SLC38A1: variants seen among roughly 807,000 people sequenced by gnomAD.
SLC38A1 encodes the protein solute carrier family 38 member 1, also known as sodium-coupled neutral amino acid symporter 1.
SLC38A1 carries 18 observed loss-of-function variants against 60.3 expected under a neutral mutation model. That is an observed-to-expected ratio of 0.30 (90% CI 0.21 to 0.44). SLC38A1 has a LOEUF of 0.44. SLC38A1 is among the 20% of genes least tolerant of loss of function. The pLI is 1.00. For synonymous variants in SLC38A1, 196 were observed against 212.1 expected (o/e 0.92, Z 0.66); for missense variants, 448 against 587.2 (o/e 0.76, Z 2.45).
At chr12:46,234,742 A>T (rs1050073518) in intron 3 of SLC38A1, among the ~76,000 whole-genome samples, 8 of 152,206 alleles carry the variant, frequency 5.3e-5, no homozygotes, top group African/African-American at 1.9e-4. Flanking sequence ...CATTTAAAAA[A>T]TACATAAAAC....
intron 3 of SLC38A1, among the ~76,000 whole-genome samples, chr12:46,230,360 G>A (rs1341503691): frequency 1.3e-5 from 2 of 152,206 alleles, no homozygotes; most frequent in Non-Finnish European, 2.9e-5. Context: ...GGTCGATGGT[G>A]AGGGTCAGAG....
At chr12:46,195,127 A>G (rs537743242) in intron 16 of SLC38A1, among the ~76,000 whole-genome samples, 115 of 152,010 alleles carry the variant, frequency 7.6e-4, no homozygotes, top group African/African-American at 2.7e-3. Flanking sequence ...TTTGGTGTGG[A>G]TGTCCTTTTT....
chr12:46,246,880 T>C (rs2138514503), intron 1 of SLC38A1, among the ~76,000 whole-genome samples: 1 of 152,316 alleles, frequency 6.6e-6, no homozygotes. Context: ...TGGTGATACC[T>C]GGGCAAACAG....
Position 46,198,763 on chromosome 12 carries a change from A to G in SLC38A1, c.1004-20T>C. ...CGTTGTCTAAAATGAGGGAAAAGCAAGAGGGTTTTAAAAGGAGACAAAGTA... is the reference window on the plus strand; with the variant it reads ...CGTTGTCTAAAATGAGGGAAAAGCAGGAGGGTTTTAAAAGGAGACAAAGTA... On this transcript the variant is annotated intron_variant, in intron 13 of 16. Transcript: ENST00000398637. 6.6e-7 allele frequency: 1 copy of G among 1,510,544 alleles called. No individual in the cohort carries two copies. Among genetic ancestry groups the G allele is most frequent in the Non-Finnish European group, 9.1e-7 (1 of 1,098,670 alleles). The allele number at this position is 1,510,544 out of a possible 1,614,324, so 93.6% of individuals were successfully genotyped here.
chr12:46,218,498 C>T (rs1041669061), intron 5 of SLC38A1, among the ~76,000 whole-genome samples: 5 of 151,976 alleles, frequency 3.3e-5, no homozygotes, highest in African/African-American at 9.7e-5. Flanking sequence ...GAGAAATAGG[C>T]GGTTTAAGAG....
chr12:46,241,159 A>T (rs74082037), intron 2 of SLC38A1, among the ~76,000 whole-genome samples: 16,269 of 151,784 alleles, frequency 0.11, 1,074 homozygotes, highest in African/African-American at 0.18. Flanking sequence ...GGTTTTTTTT[A>T]AAAAAAATGT....
At position 46,236,987 on chromosome 12, in the gene SLC38A1, T is replaced by C. The variant is rs191876333; in HGVS notation, c.122+2692A>G. 7.5e-4 allele frequency among the ~76,000 whole-genome samples: 115 copies of C among 152,336 alleles called. 1 individual carries two copies. The highest frequency in any genetic ancestry group is 2.3e-3 in the African/African-American group (97 of 41,578). On this transcript the variant is annotated intron_variant, in intron 3 of 16. Coordinates refer to ENST00000398637, the MANE Select transcript of SLC38A1 (RefSeq NM_030674.4). ...TGACTACAACCCCAAAATTTGGGCA[T>C]GAAATAAAACAACTGAACTGGAATA...
intron 5 of SLC38A1, among the ~76,000 whole-genome samples, chr12:46,227,015 G>A (rs189768980): frequency 1.3e-5 from 2 of 151,462 alleles, no homozygotes. Context: ...TGAAACTGCA[G>A]GATACTGGGA....
At chr12:46,256,636 C>CACACACACACACACACACAGAG (rs142176282) in intron 1 of SLC38A1, among the ~76,000 whole-genome samples, 39 of 123,230 alleles carry the variant, frequency 3.2e-4, no homozygotes, top group African/African-American at 1.1e-3. Flanking sequence ...CACACACACA[C>CACACACACACACACACACAGAG]AGAGAGAGAG....
At chr12:46,238,048 T>C (rs1372367668) in intron 3 of SLC38A1, among the ~76,000 whole-genome samples, 1 of 151,884 alleles carries the variant, frequency 6.6e-6, no homozygotes, top group Non-Finnish European at 1.5e-5. Context: ...TAAGTTATTT[T>C]CTTCCTCTGA....
chr12:46,217,024 C>T (rs1940444740), intron 5 of SLC38A1, among the ~76,000 whole-genome samples: 1 of 152,080 alleles, frequency 6.6e-6, no homozygotes, highest in African/African-American at 2.4e-5. Flanking sequence ...TTTTGTCAAG[C>T]TCTTTAATTT....
intron 1 of SLC38A1, among the ~76,000 whole-genome samples, chr12:46,267,911 A>AT (rs1942409473): frequency 6.6e-6 from 1 of 152,158 alleles, no homozygotes; most frequent in Non-Finnish European, 1.5e-5. Flanking sequence ...GAGTCACTGC[A>AT]AGCATCCTTT....
rs1480659154 is a variant in SLC38A1 at position 46,185,350 on chromosome 12, G to A, written c.*3620C>T. On this transcript the variant is annotated 3_prime_UTR_variant, in exon 17 of 17. Transcript: ENST00000398637. ...AGGGTAATAGTCTTAGGTGCTCGCCGAAGCACTGAGGAATCTTACCACAAC... is the reference window on the plus strand; with the variant it reads ...AGGGTAATAGTCTTAGGTGCTCGCCAAAGCACTGAGGAATCTTACCACAAC... 4.6e-5 allele frequency: 7 copies of A among 152,096 alleles called. No individual in the cohort carries two copies. Among genetic ancestry groups the A allele is most frequent in the African/African-American group, 1.7e-4 (7 of 41,402 alleles). The allele number at this position is 152,096 out of a possible 1,614,324, so 9.4% of individuals were successfully genotyped here.
chr12:46,227,492 T>C (rs766402733), intron 5 of SLC38A1, among the ~76,000 whole-genome samples: 6 of 152,158 alleles, frequency 3.9e-5, no homozygotes, highest in Non-Finnish European at 5.9e-5. Context: ...ATAGAGTTAT[T>C]GTAAGGATTC....
intron 1 of SLC38A1, among the ~76,000 whole-genome samples, chr12:46,248,192 C>A (rs1241014940): frequency 6.6e-6 from 1 of 152,132 alleles, no homozygotes; most frequent in Non-Finnish European, 1.5e-5. Context: ...ACAATATTAA[C>A]CTTACATGTA....
chr12:46,226,383 T>G (rs970285033), intron 5 of SLC38A1, among the ~76,000 whole-genome samples: 1 of 152,076 alleles, frequency 6.6e-6, no homozygotes, highest in Non-Finnish European at 1.5e-5. Flanking sequence ...AAAAGAAACA[T>G]TCTTAGAGTT....
In SLC38A1 at chr12:46,210,779, TC is replaced by T. The variant is rs1432426299; in HGVS notation, c.315-1653del. 6.6e-5 allele frequency among the ~76,000 whole-genome samples: 10 copies of T among 152,300 alleles called. No homozygotes were observed. In the East Asian group the frequency reaches 1.4e-3, roughly 21 times the overall value. ...GGCAAGTAAAATGTGTTGTTCGCCT[TC>T]CGCCATAATTGTGAGGCCTCCCCAG... On this transcript the variant is annotated intron_variant, in intron 5 of 16. Coordinates refer to ENST00000398637, the MANE Select transcript of SLC38A1 (RefSeq NM_030674.4).
In SLC38A1 at chr12:46,183,671, T is replaced by C. The variant is rs1218336242; in HGVS notation, c.*5299A>G. The C allele has an allele frequency of 1.3e-5, 2 of 152,232 alleles. No individual in the cohort carries two copies. Among genetic ancestry groups the C allele is most frequent in the Non-Finnish European group, 1.5e-5 (1 of 68,042 alleles). 9.4% of individuals were successfully genotyped at this position (152,232 alleles called of 1,614,324 possible). A position where few individuals can be genotyped will look rare whatever the true frequency, so the allele number is the denominator to read the frequency against. ...GAAGAAACAATTTGTCATTTGGGTA[T>C]ATCTGTTTCTATAGGACAAGGATTT... On this transcript the variant is annotated 3_prime_UTR_variant, in exon 17 of 17. Coordinates refer to ENST00000398637, the MANE Select transcript of SLC38A1 (RefSeq NM_030674.4).
intron 5 of SLC38A1, among the ~76,000 whole-genome samples, chr12:46,223,309 CAT>C (rs1435901019): frequency 6.6e-6 from 1 of 152,114 alleles, no homozygotes; most frequent in Non-Finnish European, 1.5e-5. Context: ...GATAGTGTAG[CAT>C]ATATAGATAC....
Sources: gnomAD v4.1 joint callset for allele counts (sites outside exome capture counted in the v4.1 genomes callset) on GRCh38, gnomAD v4.1.1 for gene constraint, MANE v1.5 for transcripts, NCBI Gene and HGNC (gene_info 2026-07-23, HGNC 2026-07-21) for gene names.